HTR3B: variants seen among roughly 807,000 people sequenced by gnomAD.
HTR3B encodes 5-hydroxytryptamine receptor 3B, also known as 5-hydroxytryptamine (serotonin) receptor 3B, ionotropic.
In HTR3B, 44 loss-of-function variants were observed where a neutral mutation model predicts 42.8. The observed-to-expected ratio is 1.03, with a 90% CI of 0.81 to 1.32. The LOEUF is 1.32. Among genes scored for constraint, HTR3B ranks in the 40% most tolerant of loss-of-function variants. The pLI, the probability that HTR3B is intolerant of heterozygous loss-of-function variation, is 0.00. For synonymous variants in HTR3B, 203 were observed against 209.0 expected, an observed-to-expected ratio of 0.97 and a Z score of 0.25; for missense variants, 527 against 536.5, an observed-to-expected ratio of 0.98 and a Z score of 0.17.
At chr11:113,932,854 A>C in intron 5 of HTR3B, 82 bp from the exon 6 acceptor site, 3 of 1,408,126 alleles carry the variant, frequency 2.1e-6, no homozygotes, top group Non-Finnish European at 2.0e-6. Context: ...ACGAGGAAGG[A>C]TTCGAATTGG....
At chr11:113,900,093 A>C (rs1329176747), upstream of HTR3B, among the ~76,000 whole-genome samples, 5 of 152,040 alleles carry the variant, frequency 3.3e-5, no homozygotes, top group East Asian at 9.7e-4. Context: ...CCCTGTATCT[A>C]CTAACAATAC....
At chr11:113,923,607 A>G (rs1003837835) in intron 2 of HTR3B, among the ~76,000 whole-genome samples, 1 of 152,174 alleles carries the variant, frequency 6.6e-6, no homozygotes, top group Non-Finnish European at 1.5e-5. Flanking sequence ...GCTAACCACC[A>G]ATTTAGATCT....
At chr11:113,921,123 C>G (rs1182902188) in intron 2 of HTR3B, among the ~76,000 whole-genome samples, 4 of 151,034 alleles carry the variant, frequency 2.6e-5, no homozygotes, top group African/African-American at 9.7e-5. Context: ...CATCTTTTTC[C>G]TTTCTGACTT....
At chr11:113,911,863 C>T (rs1006008350) in intron 2 of HTR3B, among the ~76,000 whole-genome samples, 2 of 152,048 alleles carry the variant, frequency 1.3e-5, no homozygotes, top group Non-Finnish European at 2.9e-5. Flanking sequence ...TATCAAAGAT[C>T]CCCGAAAAGG....
chr11:113,931,839 TG>T lies in HTR3B; in HGVS notation c.343del (p.Ala115ProfsTer23). On this transcript the variant is annotated frameshift_variant, in exon 4 of 9. Coordinates refer to ENST00000260191, the MANE Select transcript of HTR3B (RefSeq NM_006028.5). LOFTEE classifies it high-confidence loss of function. The stretch of plus-strand genomic sequence containing the variant: ...GATCTCCCTACCTCTAAGTGCCATC[TG>T]GGCCCCCGATATCATCATCAATGAG... ...REISLPLSAIWAPDIIINEFV... is the reference protein window; with the variant it reads ...REISLPLSAIXAPDIIINEFV... 1.2e-6 allele frequency: 2 copies of T among 1,602,410 alleles called. No homozygotes were observed. The highest frequency in any genetic ancestry group is 1.7e-6 in the Non-Finnish European group (2 of 1,169,248).
chr11:113,905,403 G>A (rs529045502), intron 1 of HTR3B, among the ~76,000 whole-genome samples: 1 of 152,172 alleles, frequency 6.6e-6, no homozygotes, highest in Admixed American at 6.5e-5. Context: ...GCAGCCCAGA[G>A]AAAAAGTCCA....
chr11:113,921,065 A>G (rs993173150), intron 2 of HTR3B, among the ~76,000 whole-genome samples: 7 of 150,988 alleles, frequency 4.6e-5, no homozygotes, highest in African/African-American at 1.7e-4. Context: ...CACCCACCTC[A>G]GCCTCCCAGA....
chr11:113,940,837 T>C (rs1440526770), intron 6 of HTR3B, among the ~76,000 whole-genome samples: 1 of 152,186 alleles, frequency 6.6e-6, no homozygotes, highest in Non-Finnish European at 1.5e-5. Context: ...GGCTCATTTC[T>C]TTGTGACACT....
At chr11:113,936,043 A>G (rs1376667134) in intron 6 of HTR3B, among the ~76,000 whole-genome samples, 1 of 152,152 alleles carries the variant, frequency 6.6e-6, no homozygotes, top group Non-Finnish European at 1.5e-5. Context: ...GGCCCAGAGC[A>G]TAGGCACTTC....
chr11:113,924,312 A>C (rs1949946348), intron 2 of HTR3B, among the ~76,000 whole-genome samples: 1 of 151,972 alleles, frequency 6.6e-6, no homozygotes, highest in Admixed American at 6.6e-5. Context: ...ATGATCTCTC[A>C]GTTGGTAAAA....
chr11:113,903,981 C>G (rs1008698168), upstream of HTR3B, among the ~76,000 whole-genome samples: 6 of 152,192 alleles, frequency 3.9e-5, no homozygotes, highest in South Asian at 1.2e-3. Context: ...ATACTTTCCC[C>G]CCTTCGGTTG....
upstream of HTR3B, among the ~76,000 whole-genome samples, chr11:113,903,375 A>C (rs1223714775): frequency 6.6e-6 from 1 of 151,532 alleles, no homozygotes; most frequent in Non-Finnish European, 1.5e-5. Flanking sequence ...GAATATATGC[A>C]TGTATGAACA....
intron 2 of HTR3B, among the ~76,000 whole-genome samples, chr11:113,919,830 A>G (rs1949894943): frequency 6.7e-6 from 1 of 148,826 alleles, no homozygotes; most frequent in Admixed American, 6.7e-5. Flanking sequence ...CTCCATCTCA[A>G]AACAACAACA....
intron 1 of HTR3B, among the ~76,000 whole-genome samples, chr11:113,905,837 A>G (rs1949729618): frequency 6.6e-6 from 1 of 152,228 alleles, no homozygotes; most frequent in African/African-American, 2.4e-5. Context: ...TTTGGTAGCC[A>G]GGAAGCTGGA....
At chr11:113,926,339 T>C (rs540882213) in intron 2 of HTR3B, among the ~76,000 whole-genome samples, 38 of 152,294 alleles carry the variant, frequency 2.5e-4, no homozygotes, top group Admixed American at 2.2e-3. Context: ...TTATACAGGT[T>C]TTTTGTGTGG....
chr11:113,946,038 G>C lies in HTR3B; in HGVS notation c.1227G>C (p.Leu409=). 1 of 1,614,088 alleles carries C rather than the reference G, an allele frequency of 6.2e-7. No individual in the cohort carries two copies. The highest frequency in any genetic ancestry group is 8.5e-7 in the Non-Finnish European group (1 of 1,180,010). ...AGGAGGCAGAGTGGCTGGTCCTCCTGTCCCGCTTTGACCGACTGCTCTTCC... is the reference window on the plus strand; with the variant it reads ...AGGAGGCAGAGTGGCTGGTCCTCCTCTCCCGCTTTGACCGACTGCTCTTCC... The part of the protein sequence containing the change: ...DQQEAEWLVL[L]SRFDRLLFQS... The change falls in exon 9 of 9, where the codon CTG becomes CTC. Residue 409 remains leucine, a synonymous_variant. Transcript: ENST00000260191.
At chr11:113,939,540 C>G (rs760432354) in intron 6 of HTR3B, among the ~76,000 whole-genome samples, 36 of 152,132 alleles carry the variant, frequency 2.4e-4, no homozygotes, top group Admixed American at 1.3e-3. Context: ...CAGATGATTT[C>G]TCGGGGAACA....
intron 2 of HTR3B, among the ~76,000 whole-genome samples, chr11:113,930,735 CTG>C (rs756195981): frequency 2.6e-5 from 4 of 152,126 alleles, no homozygotes; most frequent in Non-Finnish European, 5.9e-5. Context: ...GGCAATCCTC[CTG>C]TCTTGGCCTC....
chr11:113,907,880 C>A (rs1949745311), intron 1 of HTR3B, among the ~76,000 whole-genome samples: 1 of 152,148 alleles, frequency 6.6e-6, no homozygotes, highest in South Asian at 2.1e-4. Context: ...AGCACTGGGA[C>A]AGCTTTGCCT....
Sources: gnomAD v4.1 joint callset for allele counts (sites outside exome capture counted in the v4.1 genomes callset) on GRCh38, gnomAD v4.1.1 for gene constraint, MANE v1.5 for transcripts, NCBI Gene and HGNC (gene_info 2026-07-23, HGNC 2026-07-21) for gene names.